The following NT5M variants were observed in gnomAD, a reference collection of about 807,000 sequenced individuals.
NT5M encodes 5',3'-nucleotidase, mitochondrial.
NT5M carries 22 observed loss-of-function variants against 22.2 expected under a neutral mutation model. That is an observed-to-expected ratio of 0.99 (90% CI 0.71 to 1.41). The LOEUF is 1.41. NT5M is among the 40% of genes most tolerant of loss of function. The pLI, the probability that NT5M is intolerant of heterozygous loss-of-function variation, is 0.00. For synonymous variants in NT5M, 167 were observed against 133.0 expected, an observed-to-expected ratio of 1.26 and a Z score of -1.76; for missense variants, 322 against 314.8, an observed-to-expected ratio of 1.02 and a Z score of -0.17.
chr17:17,305,165 C>G (rs928082063), intron 1 of NT5M, among the ~76,000 whole-genome samples: 4 of 152,132 alleles, frequency 2.6e-5, no homozygotes, highest in Non-Finnish European at 4.4e-5. Context: ...AGCCCACCCC[C>G]AACTCCGAAA....
chr17:17,346,712 G>T, intron 4 of NT5M, 93 bp from the exon 5 acceptor site: 1 of 1,517,982 alleles, frequency 6.6e-7, no homozygotes, highest in Non-Finnish European at 9.0e-7. Context: ...TTTTGGCAAG[G>T]CCAGATGCCT....
intron 2 of NT5M, among the ~76,000 whole-genome samples, chr17:17,312,850 A>G (rs1232145364): frequency 3.3e-5 from 5 of 151,840 alleles, no homozygotes; most frequent in African/African-American, 9.7e-5. Context: ...ACCTGTCCCT[A>G]TAGTCCTAGC....
rs755261053 is a variant in NT5M, at chr17:17,344,863, G to T, written c.499G>T (p.Val167Leu). ...EQIVLTRDKT[V>L]VSADLLIDDR... ...GATTGTGCTGACCAGAGACAAGACC[G>T]TGGTCTCTGCTGACCTTCTCATAGA... The change falls in exon 4 of 5, where the codon GTG (valine) becomes TTG (leucine). Residue 167 changes from valine to leucine, a missense_variant. Transcript: ENST00000389022. The T allele has an allele frequency of 1.9e-6, 3 of 1,614,166 alleles. No individual in the cohort carries two copies. The South Asian group carries it at 3.3e-5, about 18-fold the overall frequency.
At chr17:17,325,416 C>T (rs2049245220) in intron 3 of NT5M, among the ~76,000 whole-genome samples, 2 of 152,026 alleles carry the variant, frequency 1.3e-5, no homozygotes, top group South Asian at 2.1e-4. Context: ...AATCAGGGGC[C>T]GTGCTGATGT....
chr17:17,330,745 T>TCTTTC (rs199632713), intron 3 of NT5M, among the ~76,000 whole-genome samples: 1 of 128,650 alleles, frequency 7.8e-6, no homozygotes, highest in Non-Finnish European at 1.5e-5. Context: ...TTTCTTTCTT[T>TCTTTC]TTTTTTTTTT....
At position 17,303,965 on chromosome 17, in the gene NT5M, C is replaced by T. The variant is rs374500683; in HGVS notation, c.267+148C>T. ...AGGGTCTGGGGGGGACTAGGGGCCA[C>T]AGCGCACCGGGAAGATGCGGCCCCG... On this transcript the variant is annotated intron_variant, in intron 1 of 4. Transcript: ENST00000389022. 115 of 1,253,600 alleles carry T rather than the reference C, an allele frequency of 9.2e-5. 1 individual carries two copies. The African/African-American group carries it at 1.5e-3, about 17-fold the overall frequency. 77.7% of individuals were successfully genotyped at this position (1,253,600 alleles called of 1,614,324 possible).
Position 17,344,898 on chromosome 17 carries a change from G to C in NT5M, c.534G>C (p.Pro178=), listed in dbSNP as rs775411806. The C allele has an allele frequency of 1.9e-6, 3 of 1,614,032 alleles. No homozygotes were observed. The African/African-American group carries it at 4.0e-5, about 22-fold the overall frequency. Residue 178 remains proline (P), a synonymous_variant, in exon 4 of 5, where the codon CCG becomes CCC. Transcript: ENST00000389022. ...CTGACCTTCTCATAGACGACCGGCC[G>C]GACATCACAGGCAAGTGGCCTGCGA... ...VSADLLIDDR[P]DITGAEPTPS... is the part of the protein sequence containing the mutation.
chr17:17,325,117 C>G (rs974354309), intron 3 of NT5M, among the ~76,000 whole-genome samples: 1 of 152,164 alleles, frequency 6.6e-6, no homozygotes, highest in Non-Finnish European at 1.5e-5. Context: ...CCAGGTGATT[C>G]TCATACACCC....
At chr17:17,316,780 A>ATC (rs1567885336) in intron 2 of NT5M, among the ~76,000 whole-genome samples, 6 of 149,468 alleles carry the variant, frequency 4.0e-5, no homozygotes, top group Non-Finnish European at 8.9e-5. Flanking sequence ...CAGTGGCGCA[A>ATC]TCTCAGCTCA....
rs934508637 is a variant in NT5M at position 17,303,571 on chromosome 17, G to C, written c.21G>C (p.Trp7Cys). 3.6e-6 allele frequency: 4 copies of C among 1,125,730 alleles called. No homozygotes were observed. Among genetic ancestry groups the C allele is most frequent in the African/African-American group, 3.3e-5 (2 of 60,230 alleles). 69.7% of individuals were successfully genotyped at this position (1,125,730 alleles called of 1,614,324 possible). ...GGGCCATGATCCGGCTGGGCGGCTGGTGTGCGCGGCGGCTCTGCAGCGCGG... is the reference window on the plus strand; with the variant it reads ...GGGCCATGATCCGGCTGGGCGGCTGCTGTGCGCGGCGGCTCTGCAGCGCGG... MIRLGG[W>C]CARRLCSAAV... Residue 7 changes from tryptophan to cysteine, a missense_variant, in exon 1 of 5, where the codon TGG becomes TGC. Transcript: ENST00000389022.
In NT5M at chr17:17,346,813, C is replaced by T; in HGVS notation, c.553C>T (p.Pro185Ser). The T allele has an allele frequency of 2.5e-6, 4 of 1,607,322 alleles. No homozygotes were observed. Among genetic ancestry groups the T allele is most frequent in the Non-Finnish European group, 1.7e-6 (2 of 1,179,928 alleles). ...CGCTTTCCCACCCACAGGGGCCGAG[C>T]CAACCCCCAGCTGGGAGCATGTCCT... ...DDRPDITGAE[P>S]TPSWEHVLFT... Residue 185 changes from proline to serine, a missense_variant, in exon 5 of 5, where the codon CCA becomes TCA. Pro to Ser is a moderately conservative substitution (Grantham distance 74). Transcript: ENST00000389022.
Position 17,331,018 on chromosome 17 carries a change from A to G in NT5M, c.429+7773A>G, listed in dbSNP as rs1477412618. Among the ~76,000 whole-genome samples the G allele has an allele frequency of 1.3e-5, 2 of 151,544 alleles. 1 individual carries two copies. Among genetic ancestry groups the G allele is most frequent in the African/African-American group, 4.9e-5 (2 of 40,840 alleles). On this transcript the variant is annotated intron_variant, in intron 3 of 4. Transcript: ENST00000389022. ...CAGCCTCCCAAAGTGCTAGGATTAC[A>G]GGCGTGAGCCACTGGACCCGGCCTT...
intron 2 of NT5M, among the ~76,000 whole-genome samples, chr17:17,308,196 A>G (rs1255328041): frequency 6.6e-6 from 1 of 152,220 alleles, no homozygotes; most frequent in Non-Finnish European, 1.5e-5. Flanking sequence ...TTCTGGTGAA[A>G]TGAGTAGTTT....
Position 17,322,076 on chromosome 17 carries a change from C to A in NT5M, c.369-1109C>A, listed in dbSNP as rs115792791. Among the ~76,000 whole-genome samples the A allele has an allele frequency of 6.6e-3, 1,000 of 151,988 alleles. 14 individuals carry two copies. The highest frequency in any genetic ancestry group is 0.023 in the African/African-American group (945 of 41,420). ...GGTGTTGGATCTGTACCTATGCACA[C>A]ACATATATGTGGACATGTGTGTGTC... On this transcript the variant is annotated intron_variant, in intron 2 of 4. Coordinates refer to ENST00000389022, the MANE Select transcript of NT5M (RefSeq NM_020201.4).
chr17:17,307,465 C>T (rs909040489), intron 2 of NT5M, among the ~76,000 whole-genome samples: 1 of 149,990 alleles, frequency 6.7e-6, no homozygotes, highest in South Asian at 2.1e-4. Context: ...CTCAGCCGGG[C>T]GCGGTGGCTC....
chr17:17,325,935 C>T (rs1003456620), intron 3 of NT5M, among the ~76,000 whole-genome samples: 4 of 152,136 alleles, frequency 2.6e-5, no homozygotes, highest in African/African-American at 7.2e-5. Context: ...TTTGTGTTTT[C>T]GTCTGTGGCT....
chr17:17,303,655 C>A lies in NT5M; in HGVS notation c.105C>A (p.Ala35=). 1 of 1,530,384 alleles carries A rather than the reference C, an allele frequency of 6.5e-7. No homozygotes were observed. The highest frequency in any genetic ancestry group is 8.8e-7 in the Non-Finnish European group (1 of 1,138,236). The allele number at this position is 1,530,384 out of a possible 1,614,324, so 94.8% of individuals were successfully genotyped here. ...AGGLGLAGGR[A]LRVLVDMDGV... ...GGCTGGGCCTGGCGGGAGGCCGCGCCCTACGGGTGCTGGTGGACATGGACG... is the reference window on the plus strand; with the variant it reads ...GGCTGGGCCTGGCGGGAGGCCGCGCACTACGGGTGCTGGTGGACATGGACG... The change falls in exon 1 of 5, where the codon GCC becomes GCA. Residue 35 remains alanine (A), a synonymous_variant. Transcript: ENST00000389022.
At chr17:17,329,677 C>T (rs2049335930) in intron 3 of NT5M, among the ~76,000 whole-genome samples, 1 of 152,020 alleles carries the variant, frequency 6.6e-6, no homozygotes, top group Admixed American at 6.6e-5. Context: ...GAATAAATGT[C>T]AAAAATTCCC....
chr17:17,306,940 G>C (rs1422749170), intron 2 of NT5M, among the ~76,000 whole-genome samples: 1 of 152,252 alleles, frequency 6.6e-6, no homozygotes, highest in African/African-American at 2.4e-5. Flanking sequence ...GCTCATGCCT[G>C]TAATCCCAGC....
Sources: allele counts gnomAD v4.1 joint callset (sites outside exome capture counted in the v4.1 genomes callset), GRCh38; gene constraint gnomAD v4.1.1; transcripts MANE v1.5; gene names NCBI Gene and HGNC (gene_info 2026-07-23, HGNC 2026-07-21).